The following ATOSA variants were observed in gnomAD, a reference collection of about 807,000 sequenced individuals.
ATOSA encodes atos homolog A, also known as atos homolog protein A.
chr15:52,662,493 G>A, the ATOSA span, among the ~76,000 whole-genome samples: 537 of 152,218 alleles, frequency 3.5e-3, 4 homozygotes, highest in African/African-American at 0.013. Flanking sequence ...ACATAGGGCC[G>A]GGCACGGTGG....
At chr15:52,582,092 C>A in the ATOSA span, 1 of 1,355,916 alleles carries the variant, frequency 7.4e-7, no homozygotes, top group Non-Finnish European at 9.8e-7. Flanking sequence ...ACACTCCATT[C>A]TATGCTAATT....
At chr15:52,701,986 T>C in the ATOSA span, among the ~76,000 whole-genome samples, 2 of 151,590 alleles carry the variant, frequency 1.3e-5, no homozygotes, top group African/African-American at 4.9e-5. Context: ...TACAGAAAAA[T>C]GGGCAAATAA....
chr15:52,634,905 T>C, the ATOSA span, among the ~76,000 whole-genome samples: 2 of 152,106 alleles, frequency 1.3e-5, no homozygotes, highest in Admixed American at 1.3e-4. Context: ...CCTGGCCAGA[T>C]GTCAATTTTG....
the ATOSA span, among the ~76,000 whole-genome samples, chr15:52,602,402 C>T: frequency 1.3e-5 from 2 of 152,172 alleles, no homozygotes; most frequent in African/African-American, 4.8e-5. Flanking sequence ...TGCATCCTCC[C>T]ATTTCTTGCT....
At chr15:52,589,630 G>A in the ATOSA span, among the ~76,000 whole-genome samples, 9 of 151,986 alleles carry the variant, frequency 5.9e-5, no homozygotes, top group African/African-American at 1.9e-4. Context: ...AGTAGCATTG[G>A]CAAGTTAGGA....
At chr15:52,677,781 ATC>A in the ATOSA span, among the ~76,000 whole-genome samples, 2 of 152,184 alleles carry the variant, frequency 1.3e-5, no homozygotes, top group Admixed American at 6.5e-5. Flanking sequence ...ATACACTAGA[ATC>A]TCTCTTGAAG....
At chr15:52,656,273 GTTTT>G in the ATOSA span, 1 of 151,962 alleles carries the variant, frequency 6.6e-6, no homozygotes, top group African/African-American at 2.4e-5. Context: ...CATTAAACCA[GTTTT>G]TATTAAAAAA....
the ATOSA span, among the ~76,000 whole-genome samples, chr15:52,620,146 T>C: frequency 3.3e-5 from 5 of 152,126 alleles, no homozygotes; most frequent in Non-Finnish European, 5.9e-5. Context: ...AACTTAGCCA[T>C]TGGGAAAACT....
chr15:52,586,799 A>G, the ATOSA span: 3 of 166,882 alleles, frequency 1.8e-5, no homozygotes, highest in Non-Finnish European at 3.8e-5. Context: ...TGTGAAAGCA[A>G]TTCTAATATT....
chr15:52,678,056 A>G, the ATOSA span: 2 of 1,613,922 alleles, frequency 1.2e-6, no homozygotes, highest in African/African-American at 1.3e-5. Flanking sequence ...GTGCTGTGAA[A>G]TGCACCTGTG....
At chr15:52,643,533 C>T in the ATOSA span, among the ~76,000 whole-genome samples, 5 of 151,696 alleles carry the variant, frequency 3.3e-5, no homozygotes, top group African/African-American at 1.2e-4. Context: ...AAGTGATCCT[C>T]CTGCCTCACA....
chr15:52,688,017 A>G, the ATOSA span, among the ~76,000 whole-genome samples: 1 of 152,238 alleles, frequency 6.6e-6, no homozygotes, highest in Non-Finnish European at 1.5e-5. Context: ...CAGGAGGATG[A>G]GAGACATGTG....
the ATOSA span, among the ~76,000 whole-genome samples, chr15:52,668,030 C>A: frequency 6.6e-6 from 1 of 152,214 alleles, no homozygotes; most frequent in Non-Finnish European, 1.5e-5. Flanking sequence ...GACAGAACTA[C>A]CATATCATCC....
chr15:52,614,325 C>T, the ATOSA span, among the ~76,000 whole-genome samples: 14 of 151,418 alleles, frequency 9.2e-5, no homozygotes, highest in Admixed American at 2.6e-4. Flanking sequence ...AGGCTGGTCT[C>T]GAACTCCTGA....
chr15:52,688,151 T>C, the ATOSA span, among the ~76,000 whole-genome samples: 2 of 152,246 alleles, frequency 1.3e-5, no homozygotes, highest in African/African-American at 4.8e-5. Flanking sequence ...TGGTTTGTTA[T>C]GCATCATTGT....
the ATOSA span, among the ~76,000 whole-genome samples, chr15:52,705,065 T>C: frequency 1.3e-5 from 2 of 152,194 alleles, no homozygotes; most frequent in African/African-American, 4.8e-5. Context: ...ATATGTTTAT[T>C]GCGGCACTAT....
the ATOSA span, among the ~76,000 whole-genome samples, chr15:52,664,178 G>A: frequency 1.1e-4 from 16 of 152,194 alleles, no homozygotes; most frequent in Non-Finnish European, 1.9e-4. Context: ...ATCTGCAGTT[G>A]AGCACAACTG....
chr15:52,678,097 A>G, the ATOSA span: 5 of 1,544,550 alleles, frequency 3.2e-6, no homozygotes, highest in Non-Finnish European at 4.5e-6. Flanking sequence ...CGCTGATTCT[A>G]CGGCTTCTGC....
At chr15:52,678,889 C>A in the ATOSA span, 1 of 153,114 alleles carries the variant, frequency 6.5e-6, no homozygotes, top group Non-Finnish European at 1.5e-5. Flanking sequence ...CTCGAGCTGG[C>A]CGGCTCCTCC....
Sources: allele counts gnomAD v4.1 joint callset (sites outside exome capture counted in the v4.1 genomes callset), GRCh38; gene constraint gnomAD v4.1.1; transcripts MANE v1.5; gene names NCBI Gene and HGNC (gene_info 2026-07-23, HGNC 2026-07-21).